SNTG1: variants seen among roughly 807,000 people sequenced by gnomAD.
The protein encoded by SNTG1 is gamma-1-syntrophin.
A neutral mutation model predicts 74.7 loss-of-function variants in SNTG1; 39 were observed. That is an observed-to-expected ratio of 0.52 (90% confidence interval 0.40 to 0.68). The LOEUF (loss-of-function observed/expected upper bound fraction) is 0.68. Among genes scored for constraint, SNTG1 ranks in the 30% least tolerant of loss-of-function variants. The pLI is 0.00. For missense variants in SNTG1, 685 were observed against 609.5 expected, an observed-to-expected ratio of 1.12 and a Z score of -1.30; for synonymous variants, 254 against 217.1, an observed-to-expected ratio of 1.17 and a Z score of -1.49.
Position 50,560,424 on chromosome 8 carries a change from C to T in SNTG1, c.810+7245C>T, listed in dbSNP as rs553974705. 1.6e-4 allele frequency among the ~76,000 whole-genome samples: 24 copies of T among 152,254 alleles called. No homozygotes were observed. The South Asian group carries it at 5.0e-3, about 32-fold the overall frequency. On this transcript the variant is annotated intron_variant, in intron 12 of 18. Transcript: ENST00000642720. Reference sequence around the variant, plus strand: ...TTATAAAGACACATGCACGTGTATGCTCATTGCAGCACTATTCACGATAGC... The same window carrying T: ...TTATAAAGACACATGCACGTGTATGTTCATTGCAGCACTATTCACGATAGC...
At chr8:50,043,574 G>T (rs1225575990) in intron 1 of SNTG1, among the ~76,000 whole-genome samples, 1 of 152,144 alleles carries the variant, frequency 6.6e-6, no homozygotes, top group Non-Finnish European at 1.5e-5. Context: ...CACACTCCTG[G>T]CCTCACACTC....
chr8:50,737,162 C>T (rs1399323552), intron 17 of SNTG1, among the ~76,000 whole-genome samples: 6 of 151,630 alleles, frequency 4.0e-5, no homozygotes, highest in Admixed American at 3.3e-4. Flanking sequence ...AGACCACTAG[C>T]CGGACTAATA....
At chr8:50,341,086 T>TG (rs1267952117) in intron 2 of SNTG1, among the ~76,000 whole-genome samples, 1 of 151,962 alleles carries the variant, frequency 6.6e-6, no homozygotes. Context: ...GTTGTTTGGT[T>TG]GTATTTTTCT....
At chr8:49,934,961 CTA>C (rs1807924852) in intron 1 of SNTG1, among the ~76,000 whole-genome samples, 1 of 151,910 alleles carries the variant, frequency 6.6e-6, no homozygotes, top group Non-Finnish European at 1.5e-5. Flanking sequence ...TCAAAAGAAA[CTA>C]TTATTTATCT....
intron 2 of SNTG1, among the ~76,000 whole-genome samples, chr8:50,243,094 G>A (rs2086236728): frequency 6.6e-6 from 1 of 151,900 alleles, no homozygotes; most frequent in Non-Finnish European, 1.5e-5. Context: ...GTAAACTGTT[G>A]AACAAAAAAC....
intron 13 of SNTG1, among the ~76,000 whole-genome samples, chr8:50,654,557 GCTGT>G (rs1275178665): frequency 1.3e-5 from 2 of 151,984 alleles, no homozygotes; most frequent in African/African-American, 4.8e-5. Flanking sequence ...ATTCAGTTCT[GCTGT>G]CTATTGTTTT....
At chr8:50,585,883 C>A (rs1236406903) in intron 12 of SNTG1, among the ~76,000 whole-genome samples, 1 of 152,112 alleles carries the variant, frequency 6.6e-6, no homozygotes, top group African/African-American at 2.4e-5. Context: ...TTGCCAGTAT[C>A]TTTATATTGA....
intron 17 of SNTG1, among the ~76,000 whole-genome samples, chr8:50,713,644 T>C: frequency 6.6e-6 from 1 of 151,358 alleles, no homozygotes; most frequent in African/African-American, 2.5e-5. Flanking sequence ...CAGTCTTATA[T>C]TTAAGTCTTA....
At chr8:50,463,238 G>A (rs763672793) in intron 8 of SNTG1, among the ~76,000 whole-genome samples, 1 of 152,038 alleles carries the variant, frequency 6.6e-6, no homozygotes, top group Non-Finnish European at 1.5e-5. Context: ...CCAAACTCCT[G>A]TTAATGTTGA....
intron 2 of SNTG1, among the ~76,000 whole-genome samples, chr8:50,241,820 C>T (rs1368986761): frequency 6.6e-6 from 1 of 152,098 alleles, no homozygotes; most frequent in Non-Finnish European, 1.5e-5. Context: ...CTCTTCTCAG[C>T]TCGGAAGTGC....
intron 15 of SNTG1, among the ~76,000 whole-genome samples, chr8:50,667,257 G>A (rs1000376030): frequency 6.6e-6 from 1 of 152,030 alleles, no homozygotes; most frequent in African/African-American, 2.4e-5. Flanking sequence ...TCAATGGCAG[G>A]TATTAGTAGA....
At chr8:50,327,619 G>A (rs1230248314) in intron 2 of SNTG1, among the ~76,000 whole-genome samples, 2 of 152,030 alleles carry the variant, frequency 1.3e-5, no homozygotes, top group East Asian at 3.9e-4. Context: ...CTGACAACCT[G>A]TGTTTTAATT....
At chr8:50,268,932 T>G (rs1056749592) in intron 2 of SNTG1, among the ~76,000 whole-genome samples, 69 of 152,150 alleles carry the variant, frequency 4.5e-4, no homozygotes, top group Admixed American at 1.2e-3. Flanking sequence ...GTGCTGAGGT[T>G]ACAGGTGTGA....
intron 8 of SNTG1, among the ~76,000 whole-genome samples, chr8:50,491,851 A>T (rs1180077287): frequency 2.0e-5 from 3 of 150,754 alleles, no homozygotes; most frequent in Non-Finnish European, 2.9e-5. Context: ...TACATTAGGT[A>T]TTTCTCCTAA....
intron 1 of SNTG1, among the ~76,000 whole-genome samples, chr8:49,929,617 G>A (rs1365343183): frequency 1.3e-5 from 2 of 152,166 alleles, no homozygotes; most frequent in African/African-American, 2.4e-5. Flanking sequence ...TGGGTGACAG[G>A]TGTCAGTAGC....
intron 2 of SNTG1, among the ~76,000 whole-genome samples, chr8:50,191,572 A>C (rs79786735): frequency 9.9e-5 from 15 of 152,260 alleles, no homozygotes; most frequent in African/African-American, 3.1e-4. Context: ...TTTTTTAAAA[A>C]AATAAACTTT....
At chr8:50,167,828 AG>A (rs1368697741) in intron 1 of SNTG1, among the ~76,000 whole-genome samples, 6 of 150,184 alleles carry the variant, frequency 4.0e-5, no homozygotes, top group African/African-American at 1.5e-4. Flanking sequence ...AAAAAAAAAA[AG>A]GTAAAGAAAA....
chr8:50,069,174 G>A (rs1412527784), intron 1 of SNTG1, among the ~76,000 whole-genome samples: 1 of 152,144 alleles, frequency 6.6e-6, no homozygotes, highest in Admixed American at 6.5e-5. Flanking sequence ...ACAGAAAAAG[G>A]GAAATGAAGT....
At chr8:49,913,396 CAATTTTAACACAAA>C (rs1018343010) in intron 1 of SNTG1, among the ~76,000 whole-genome samples, 2 of 152,196 alleles carry the variant, frequency 1.3e-5, no homozygotes, top group Non-Finnish European at 2.9e-5. Flanking sequence ...CCTTCCTTCT[CAATTTTAACACAAA>C]AATCATTGGA....
Sources: gnomAD v4.1 joint callset for allele counts (sites outside exome capture counted in the v4.1 genomes callset) on GRCh38, gnomAD v4.1.1 for gene constraint, MANE v1.5 for transcripts, NCBI Gene and HGNC (gene_info 2026-07-23, HGNC 2026-07-21) for gene names.